Variants in GRID2 observed in about 807,000 individuals in gnomAD.
The protein encoded by GRID2 is glutamate ionotropic receptor delta type subunit 2, also known as glutamate receptor ionotropic, delta-2.
Under a neutral mutation model 114.8 loss-of-function variants are expected in GRID2, and 33 were observed. That is an observed-to-expected ratio of 0.29 (90% CI 0.22 to 0.38). The LOEUF is 0.38. GRID2 is among the 10% of genes least tolerant of loss of function. GRID2 has a pLI of 1.00. For synonymous variants in GRID2, 505 were observed against 449.9 expected (o/e 1.12, Z -1.55); for missense variants, 1,184 against 1,257.7 (o/e 0.94, Z 0.89).
chr4:93,323,785 A>G (rs1002396774), intron 8 of GRID2, among the ~76,000 whole-genome samples: 3 of 152,148 alleles, frequency 2.0e-5, no homozygotes, highest in Non-Finnish European at 2.9e-5. Flanking sequence ...TTGGATTCCT[A>G]GGTATTTTAT....
chr4:93,300,170 C>T (rs1052655020), intron 8 of GRID2, among the ~76,000 whole-genome samples: 1 of 151,998 alleles, frequency 6.6e-6, no homozygotes, highest in African/African-American at 2.4e-5. Context: ...GTCTCAAACT[C>T]CTGGGTTAAG....
At chr4:93,307,439 G>T (rs1755554960) in intron 8 of GRID2, among the ~76,000 whole-genome samples, 1 of 151,504 alleles carries the variant, frequency 6.6e-6, no homozygotes, top group Non-Finnish European at 1.5e-5. Flanking sequence ...AACAATCTTA[G>T]AATGTATAGT....
At chr4:93,611,799 G>A (rs905232700) in intron 13 of GRID2, among the ~76,000 whole-genome samples, 70 of 150,956 alleles carry the variant, frequency 4.6e-4, no homozygotes, top group Non-Finnish European at 8.1e-4. Context: ...CTGTTGATTT[G>A]GGGTGGAGAG....
At chr4:92,656,983 T>C (rs967706824) in intron 2 of GRID2, among the ~76,000 whole-genome samples, 1 of 151,720 alleles carries the variant, frequency 6.6e-6, no homozygotes, top group African/African-American at 2.4e-5. Flanking sequence ...TTTTTTTTTC[T>C]ATAAACCATT....
At chr4:93,032,560 A>G (rs888426796) in intron 2 of GRID2, among the ~76,000 whole-genome samples, 2 of 152,140 alleles carry the variant, frequency 1.3e-5, no homozygotes, top group African/African-American at 2.4e-5. Flanking sequence ...CTCTTATCTT[A>G]ATTAGAAAGT....
At chr4:92,461,664 C>T (rs910211315) in intron 1 of GRID2, among the ~76,000 whole-genome samples, 2 of 151,774 alleles carry the variant, frequency 1.3e-5, no homozygotes, top group Admixed American at 6.6e-5. Context: ...CATTTTCTTC[C>T]TGATCTCTTA....
Position 92,652,884 on chromosome 4 carries a change from ATATT to A in GRID2, c.244+62602_244+62605del, listed in dbSNP as rs572786306. On this transcript the variant is annotated intron_variant, in intron 2 of 15. Coordinates refer to ENST00000282020, the MANE Select transcript of GRID2 (RefSeq NM_001510.4). ...TAAATACATATAAATATATAAAAAT[ATATT>A]TATAAATACATATAAATATATATTT... Among the ~76,000 whole-genome samples, 214 of 140,174 alleles carry A rather than the reference ATATT, an allele frequency of 1.5e-3. 13 individuals carry two copies. Among genetic ancestry groups the A allele is most frequent in the African/African-American group, 5.2e-3 (201 of 38,894 alleles). 92.0% of individuals were successfully genotyped at this position (140,174 alleles called of 152,430 possible). A position where few individuals can be genotyped will look rare whatever the true frequency, so the allele number is the denominator to read the frequency against.
intron 8 of GRID2, among the ~76,000 whole-genome samples, chr4:93,290,098 A>G (rs1332811104): frequency 6.6e-6 from 1 of 152,194 alleles, no homozygotes; most frequent in African/African-American, 2.4e-5. Context: ...CATGTAAGCC[A>G]CTGAATCACT....
intron 2 of GRID2, among the ~76,000 whole-genome samples, chr4:92,608,854 G>T (rs1390232383): frequency 1.3e-5 from 2 of 151,564 alleles, no homozygotes; most frequent in African/African-American, 4.8e-5. Context: ...TGTAAAAATT[G>T]GCCACTTTGT....
chr4:92,634,927 G>A (rs1054086063), intron 2 of GRID2, among the ~76,000 whole-genome samples: 2 of 151,758 alleles, frequency 1.3e-5, no homozygotes, highest in Non-Finnish European at 2.9e-5. Flanking sequence ...GATTCACTGG[G>A]TCAGACAGAA....
intron 2 of GRID2, among the ~76,000 whole-genome samples, chr4:92,870,884 CAA>C (rs779319337): frequency 6.6e-6 from 1 of 152,058 alleles, no homozygotes; most frequent in African/African-American, 2.4e-5. Flanking sequence ...TGACAGGAAA[CAA>C]TATAAAATCA....
intron 2 of GRID2, among the ~76,000 whole-genome samples, chr4:92,805,721 C>T (rs1039428227): frequency 6.6e-6 from 1 of 151,826 alleles, no homozygotes; most frequent in African/African-American, 2.4e-5. Context: ...TCACTTTAGC[C>T]AAGAAGTTGA....
intron 2 of GRID2, among the ~76,000 whole-genome samples, chr4:92,790,743 T>C (rs968953709): frequency 6.8e-6 from 1 of 147,966 alleles, no homozygotes; most frequent in Non-Finnish European, 1.5e-5. Flanking sequence ...AAAAAAAAAG[T>C]GTTTTTAAAA....
chr4:93,394,679 A>G (rs1765163739), intron 8 of GRID2, among the ~76,000 whole-genome samples: 1 of 152,028 alleles, frequency 6.6e-6, no homozygotes, highest in Non-Finnish European at 1.5e-5. Flanking sequence ...TACATTTTTA[A>G]GTGTGCACAT....
chr4:92,689,032 A>C (rs1339560554), intron 2 of GRID2, among the ~76,000 whole-genome samples: 1 of 152,206 alleles, frequency 6.6e-6, no homozygotes, highest in African/African-American at 2.4e-5. Flanking sequence ...TAAGAGTTCT[A>C]GGGTGATCAA....
intron 14 of GRID2, among the ~76,000 whole-genome samples, chr4:93,717,920 A>G (rs1729041220): frequency 6.6e-6 from 1 of 152,150 alleles, no homozygotes; most frequent in Non-Finnish European, 1.5e-5. Context: ...ATATTTATGC[A>G]AGTGAGTGTA....
chr4:92,389,286 G>C (rs933189525), intron 1 of GRID2, among the ~76,000 whole-genome samples: 1 of 152,000 alleles, frequency 6.6e-6, no homozygotes, highest in African/African-American at 2.4e-5. Flanking sequence ...ACATAGCAGA[G>C]ATGTGGAAAG....
intron 1 of GRID2, among the ~76,000 whole-genome samples, chr4:92,509,736 G>T (rs2149130489): frequency 6.6e-6 from 1 of 152,002 alleles, no homozygotes; most frequent in African/African-American, 2.4e-5. Context: ...AGATAATTAA[G>T]TATTTGAGTA....
At chr4:93,380,141 G>A (rs994672242) in intron 8 of GRID2, among the ~76,000 whole-genome samples, 8 of 152,014 alleles carry the variant, frequency 5.3e-5, no homozygotes, top group African/African-American at 9.7e-5. Flanking sequence ...AGATGAGATC[G>A]TTATGGAATA....
Sources: allele counts gnomAD v4.1 joint callset (sites outside exome capture counted in the v4.1 genomes callset), GRCh38; gene constraint gnomAD v4.1.1; transcripts MANE v1.5; gene names NCBI Gene and HGNC (gene_info 2026-07-23, HGNC 2026-07-21).